Variants in CTNNA2 observed in about 807,000 individuals in gnomAD.
CTNNA2 encodes catenin alpha 2, also known as catenin alpha-2.
Under a neutral mutation model 101.0 loss-of-function variants are expected in CTNNA2, and 42 were observed. The ratio of observed to expected loss-of-function variants is 0.42; its 90% confidence interval spans 0.32 to 0.54. CTNNA2 has a LOEUF of 0.54. CTNNA2 is among the 20% of genes least tolerant of loss of function. The pLI, the probability that CTNNA2 is intolerant of heterozygous loss-of-function variation, is 0.14. For synonymous variants in CTNNA2, 450 were observed against 456.4 expected, an observed-to-expected ratio of 0.99 and a Z score of 0.18; for missense variants, 871 against 1,223.1, an observed-to-expected ratio of 0.71 and a Z score of 4.29.
intron 12 of CTNNA2, among the ~76,000 whole-genome samples, chr2:80,559,770 A>ACTACT (rs1693381663): frequency 6.6e-6 from 1 of 152,094 alleles, no homozygotes; most frequent in Non-Finnish European, 1.5e-5. Context: ...CAAACAGCTT[A>ACTACT]GTAGTAAGTA....
intron 3 of CTNNA2, among the ~76,000 whole-genome samples, chr2:79,316,352 G>T (rs1676497335): frequency 1.3e-5 from 2 of 151,974 alleles, no homozygotes; most frequent in African/African-American, 4.8e-5. Context: ...AGCAAGTTTT[G>T]AAACTGGAAG....
chr2:80,150,025 C>T (rs1430662851), intron 7 of CTNNA2, among the ~76,000 whole-genome samples: 2 of 152,158 alleles, frequency 1.3e-5, no homozygotes, highest in Non-Finnish European at 2.9e-5. Context: ...TTGTGCTGGT[C>T]ATCCCCAGGC....
chr2:80,647,819 C>T lies in CTNNA2; in HGVS notation c.2809C>T (p.His937Tyr), dbSNP rs1340838096. 15 of 1,613,384 alleles carry T rather than the reference C, an allele frequency of 9.3e-6. No homozygotes were observed. The highest frequency in any genetic ancestry group is 1.2e-5 in the Non-Finnish European group (14 of 1,179,554). Residue 937 changes from histidine (H) to tyrosine (Y), a missense_variant, in exon 19 of 19, where the codon CAC becomes TAC. By Grantham distance (83) the His-to-Tyr change is moderately conservative (BLOSUM62 2). Transcript: ENST00000402739. Reference sequence around the variant, plus strand: ...AGTTCGACGAGGTTCTCAGAAGAAACACATTTCGCCTGTACAGGCTTTAAG... The same window carrying T: ...AGTTCGACGAGGTTCTCAGAAGAAATACATTTCGCCTGTACAGGCTTTAAG... ...TRVRRGSQKKHISPVQALSEF... is the reference protein window; with the variant it reads ...TRVRRGSQKKYISPVQALSEF...
At position 80,466,765 on chromosome 2, in the gene CTNNA2, A is replaced by G. The variant is rs557264169; in HGVS notation, c.1290+47164A>G. ...TTCATGCTATCTTGCTTAGGCCCCA[A>G]CAGGATTTCCATCAAAGAGTTCAAT... is the stretch of plus-strand genomic sequence containing the variant. On this transcript the variant is annotated intron_variant, in intron 9 of 18. Transcript: ENST00000402739. Among the ~76,000 whole-genome samples the G allele has an allele frequency of 1.3e-4, 20 of 152,358 alleles. 1 individual carries two copies. The South Asian group carries it at 3.9e-3, about 30-fold the overall frequency.
intron 7 of CTNNA2, among the ~76,000 whole-genome samples, chr2:80,353,080 T>G (rs1436059584): frequency 1.3e-5 from 2 of 152,236 alleles, no homozygotes; most frequent in Middle Eastern, 3.4e-3. Flanking sequence ...GAAACCTAGT[T>G]CATCTTGTTC....
chr2:80,507,081 A>ATGTCT (rs1688334308), intron 9 of CTNNA2, among the ~76,000 whole-genome samples: 1 of 152,214 alleles, frequency 6.6e-6, no homozygotes, highest in Non-Finnish European at 1.5e-5. Flanking sequence ...ACAAACTCCA[A>ATGTCT]GAGTTGGAAT....
At chr2:79,216,931 C>A (rs1238610453) in intron 2 of CTNNA2, among the ~76,000 whole-genome samples, 3 of 152,112 alleles carry the variant, frequency 2.0e-5, no homozygotes, top group South Asian at 2.1e-4. Flanking sequence ...ATCAGAGAGG[C>A]GTCCCTGCAA....
intron 2 of CTNNA2, among the ~76,000 whole-genome samples, chr2:79,214,029 G>A (rs193076822): frequency 0.013 from 1,987 of 152,270 alleles, 24 homozygotes; most frequent in Middle Eastern, 0.031. Flanking sequence ...AATTCTGACC[G>A]CACTAACTAT....
intron 2 of CTNNA2, among the ~76,000 whole-genome samples, chr2:79,205,545 AC>A (rs1400684587): frequency 6.6e-6 from 1 of 152,202 alleles, no homozygotes; most frequent in East Asian, 1.9e-4. Flanking sequence ...TCTCTAGTTA[AC>A]CAGTATGCTG....
intron 3 of CTNNA2, among the ~76,000 whole-genome samples, chr2:79,856,980 G>A (rs1227725824): frequency 1.3e-5 from 2 of 152,018 alleles, no homozygotes; most frequent in Admixed American, 6.5e-5. Flanking sequence ...ATCTATTATT[G>A]TAACTTCCCA....
intron 3 of CTNNA2, among the ~76,000 whole-genome samples, chr2:79,844,181 A>G (rs900684182): frequency 6.6e-6 from 1 of 152,190 alleles, no homozygotes; most frequent in Non-Finnish European, 1.5e-5. Context: ...CTTTTCTTGG[A>G]AGCAGCCTGC....
intron 7 of CTNNA2, among the ~76,000 whole-genome samples, chr2:79,980,367 T>C (rs57637264): frequency 0.13 from 19,176 of 152,114 alleles, 1,813 homozygotes; most frequent in East Asian, 0.27. Context: ...TTTTGAAGGC[T>C]CAGAAAAGAA....
At position 79,600,712 on chromosome 2, in the gene CTNNA2, G is replaced by A. The variant is rs75078940; in HGVS notation, c.-5-50840G>A. Among the ~76,000 whole-genome samples, 325 of 152,160 alleles carry A rather than the reference G, an allele frequency of 2.1e-3. 8 individuals are homozygous for A. The South Asian group carries it at 0.056, about 26-fold the overall frequency. On this transcript the variant is annotated intron_variant, in intron 1 of 18. Coordinates refer to ENST00000402739, the MANE Select transcript of CTNNA2 (RefSeq NM_001282597.3). ...TCCTATGACAGAATACCATAGACTG[G>A]GAAGCTTAAACAGACATTTATTTCT... is the stretch of plus-strand genomic sequence containing the variant.
intron 7 of CTNNA2, among the ~76,000 whole-genome samples, chr2:80,322,607 G>A (rs1204346786): frequency 6.6e-6 from 1 of 151,632 alleles, no homozygotes; most frequent in African/African-American, 2.4e-5. Flanking sequence ...GCCTGGCCCC[G>A]GCGCAGATGC....
At chr2:79,189,408 A>G (rs1356469316) in intron 1 of CTNNA2, among the ~76,000 whole-genome samples, 2 of 152,108 alleles carry the variant, frequency 1.3e-5, no homozygotes, top group Non-Finnish European at 2.9e-5. Context: ...GTCTTACCAT[A>G]TTATTTCCAT....
chr2:79,701,271 G>A (rs1306081481), intron 2 of CTNNA2, among the ~76,000 whole-genome samples: 1 of 152,086 alleles, frequency 6.6e-6, no homozygotes, highest in Non-Finnish European at 1.5e-5. Context: ...CATAACTAGT[G>A]AGTAGTGGGT....
chr2:79,243,409 A>G (rs1449423836), intron 2 of CTNNA2, among the ~76,000 whole-genome samples: 3 of 152,168 alleles, frequency 2.0e-5, no homozygotes, highest in African/African-American at 7.2e-5. Flanking sequence ...GCAGTATTAC[A>G]GAGAGACACT....
At chr2:79,896,802 A>G (rs1204494866) in intron 6 of CTNNA2, among the ~76,000 whole-genome samples, 1 of 152,232 alleles carries the variant, frequency 6.6e-6, no homozygotes. Flanking sequence ...GTGTTTCCAG[A>G]GAAGGATCCA....
chr2:79,633,456 T>A (rs1247315935), intron 1 of CTNNA2, among the ~76,000 whole-genome samples: 2 of 152,182 alleles, frequency 1.3e-5, no homozygotes, highest in East Asian at 3.9e-4. Context: ...ATATTTTACA[T>A]AGGATAATTA....
Sources: allele counts gnomAD v4.1 joint callset (sites outside exome capture counted in the v4.1 genomes callset), GRCh38; gene constraint gnomAD v4.1.1; transcripts MANE v1.5; gene names NCBI Gene and HGNC (gene_info 2026-07-23, HGNC 2026-07-21).